The following SLC25A30 variants were observed in gnomAD, a reference collection of about 807,000 sequenced individuals.
The protein encoded by SLC25A30 is kidney mitochondrial carrier protein 1.
In SLC25A30, 29 loss-of-function variants were observed where a neutral mutation model predicts 42.7. That is an observed-to-expected ratio of 0.68 (90% confidence interval 0.51 to 0.93). SLC25A30 has a LOEUF of 0.93. SLC25A30 is among the 40% of genes least tolerant of loss of function. SLC25A30 has a pLI of 0.00. For synonymous variants in SLC25A30, 124 were observed against 131.0 expected, an observed-to-expected ratio of 0.95 and a Z score of 0.37; for missense variants, 300 against 359.7, an observed-to-expected ratio of 0.83 and a Z score of 1.34.
At chr13:45,424,773 T>TAAA in the SLC25A30 span, among the ~76,000 whole-genome samples, 1 of 60,164 alleles carries the variant, frequency 1.7e-5, no homozygotes, top group African/African-American at 6.0e-5. Context: ...TATAAATATA[T>TAAA]ATATATAAAT....
At chr13:45,425,358 G>T in the SLC25A30 span, among the ~76,000 whole-genome samples, 1 of 106,514 alleles carries the variant, frequency 9.4e-6, no homozygotes, top group Non-Finnish European at 1.7e-5. Flanking sequence ...CTATATGTAA[G>T]TATATGTATA....
chr13:45,424,017 CTGTAAAAATATATATTTA>C, the SLC25A30 span, among the ~76,000 whole-genome samples: 1 of 83,470 alleles, frequency 1.2e-5, no homozygotes, highest in Non-Finnish European at 2.1e-5. Context: ...ATATATAAAT[CTGTAAAAATATATATTTA>C]TATAAATATA....
the SLC25A30 span, among the ~76,000 whole-genome samples, chr13:45,430,323 G>GTCTCTATAGAGACATGATA: frequency 2.5e-4 from 38 of 152,110 alleles, 1 homozygote; most frequent in African/African-American, 8.4e-4. Context: ...TAAAGAGGAT[G>GTCTCTATAGAGACATGATA]TCTCTATAGA....
the SLC25A30 span, among the ~76,000 whole-genome samples, chr13:45,425,182 A>G: frequency 2.5e-4 from 25 of 98,542 alleles, no homozygotes; most frequent in African/African-American, 1.1e-3. Flanking sequence ...ATATAAATAT[A>G]TATACATATA....
the SLC25A30 span, among the ~76,000 whole-genome samples, chr13:45,425,225 TATAAATATTTATACATATATAA>T: frequency 9.6e-6 from 1 of 103,656 alleles, no homozygotes; most frequent in Non-Finnish European, 1.7e-5. Flanking sequence ...TACGTATGTA[TATAAATATTTATACATATATAA>T]ATATATATAC....
In SLC25A30 at chr13:45,393,647, C is replaced by G; in HGVS notation, c.*2327G>C. On this transcript the variant is annotated 3_prime_UTR_variant, in exon 10 of 10. Coordinates refer to ENST00000519676, the MANE Select transcript of SLC25A30 (RefSeq NM_001010875.4). ...GAGGTACTTATAGCCAGAACCCTGA[C>G]AACGAGGGGACCAAGTCTCCCAATT... 1 of 985,406 alleles carries G rather than the reference C, an allele frequency of 1.0e-6. No homozygotes were observed. The highest frequency in any genetic ancestry group is 1.2e-6 in the Non-Finnish European group (1 of 829,914). 61.0% of individuals were successfully genotyped at this position (985,406 alleles called of 1,614,324 possible). A position where few individuals can be genotyped will look rare whatever the true frequency, so the allele number is the denominator to read the frequency against.
chr13:45,398,003 C>T, intron 8 of SLC25A30: 4 of 985,390 alleles, frequency 4.1e-6, no homozygotes, highest in Non-Finnish European at 4.8e-6. Flanking sequence ...CAGAGTACCA[C>T]TATTTCCCAA....
At chr13:45,427,837 A>G in the SLC25A30 span, among the ~76,000 whole-genome samples, 3 of 151,324 alleles carry the variant, frequency 2.0e-5, no homozygotes, top group Admixed American at 2.0e-4. Flanking sequence ...TCCGCCTCAC[A>G]GGTTCAAGCG....
chr13:45,394,703 AAG>A lies in SLC25A30; in HGVS notation c.*1269_*1270del, dbSNP rs1287784434. On this transcript the variant is annotated 3_prime_UTR_variant, in exon 10 of 10. Coordinates refer to ENST00000519676, the MANE Select transcript of SLC25A30 (RefSeq NM_001010875.4). ...GAATAAGAAAATAGAAAAAGAAAAA[AAG>A]AAGAGGGAGAATGACTTATTGTGTC... 8.1e-6 allele frequency: 8 copies of A among 985,016 alleles called. No homozygotes were observed. Among genetic ancestry groups the A allele is most frequent in the African/African-American group, 1.7e-5 (1 of 57,234 alleles). The allele number at this position is 985,016 out of a possible 1,614,324, so 61.0% of individuals were successfully genotyped here. A position where few individuals can be genotyped will look rare whatever the true frequency, so the allele number is the denominator to read the frequency against.
At chr13:45,410,062 C>G (rs1052017955) in intron 2 of SLC25A30, among the ~76,000 whole-genome samples, 4 of 152,170 alleles carry the variant, frequency 2.6e-5, no homozygotes, top group Non-Finnish European at 4.4e-5. Context: ...ACAGCAGTGA[C>G]TGAGCCCTGG....
Position 45,401,083 on chromosome 13 carries a change from A to C in SLC25A30, c.614T>G (p.Leu205Arg). ...TTTTTAAAAAAAGCCATGAACATACAGGAAGTGGGTATACACAGTGTCTCC... is the reference window on the plus strand; with the variant it reads ...TTTTTAAAAAAAGCCATGAACATACCGGAAGTGGGTATACACAGTGTCTCC... ...LMGDTVYTHF[L>R]SSFTCGLAGA... The change falls in exon 7 of 10, where the codon CTC (leucine) becomes CGC (arginine). Residue 205 changes from leucine to arginine, a missense_variant and splice_region_variant. Coordinates refer to ENST00000519676, the MANE Select transcript of SLC25A30 (RefSeq NM_001010875.4). 1.3e-6 allele frequency: 2 copies of C among 1,599,170 alleles called. No individual in the cohort carries two copies. Among genetic ancestry groups the C allele is most frequent in the Non-Finnish European group, 1.7e-6 (2 of 1,172,636 alleles).
chr13:45,419,001 G>C (rs1159558125), upstream of SLC25A30, among the ~76,000 whole-genome samples: 3 of 124,888 alleles, frequency 2.4e-5, no homozygotes, highest in African/African-American at 9.2e-5. Flanking sequence ...CCTGGTGGCG[G>C]GTGCCTGTAA....
intron 1 of SLC25A30, among the ~76,000 whole-genome samples, chr13:45,412,707 A>G (rs1883141566): frequency 6.6e-6 from 1 of 152,138 alleles, no homozygotes. Flanking sequence ...GACACTCACA[A>G]ATATTGCCCT....
Position 45,393,656 on chromosome 13 carries a change from G to T in SLC25A30, c.*2318C>A. On this transcript the variant is annotated 3_prime_UTR_variant, in exon 10 of 10. Coordinates refer to ENST00000519676, the MANE Select transcript of SLC25A30 (RefSeq NM_001010875.4). ...ATAGCCAGAACCCTGACAACGAGGGGACCAAGTCTCCCAATTCCTTAAGTT... is the reference window on the plus strand; with the variant it reads ...ATAGCCAGAACCCTGACAACGAGGGTACCAAGTCTCCCAATTCCTTAAGTT... 5.1e-6 allele frequency: 5 copies of T among 985,392 alleles called. No homozygotes were observed. The highest frequency in any genetic ancestry group is 6.0e-6 in the Non-Finnish European group (5 of 829,916). The allele number at this position is 985,392 out of a possible 1,614,324, so 61.0% of individuals were successfully genotyped here. A position where few individuals can be genotyped will look rare whatever the true frequency, so the allele number is the denominator to read the frequency against.
chr13:45,403,936 CAAAA>C (rs34588071), intron 5 of SLC25A30, among the ~76,000 whole-genome samples: 3 of 80,760 alleles, frequency 3.7e-5, no homozygotes, highest in Admixed American at 1.5e-4. Context: ...GACTCCATCT[CAAAA>C]AAAAAAAAAA....
At position 45,399,018 on chromosome 13, in the gene SLC25A30, C is replaced by A; in HGVS notation, c.675G>T (p.Arg225Ser). 1.9e-6 allele frequency: 3 copies of A among 1,613,964 alleles called. No individual in the cohort carries two copies. Among genetic ancestry groups the A allele is most frequent in the Non-Finnish European group, 2.5e-6 (3 of 1,179,968 alleles). The change falls in exon 8 of 10, where the codon AGG (arginine) becomes AGT (serine). Residue 225 changes from arginine to serine, a missense_variant. Arg to Ser is a moderately radical substitution (Grantham distance 110). Transcript: ENST00000519676. Reference sequence around the variant, plus strand: ...GCACTCTCTGATTCATCATACGTGTCCTCACAACATCAACAGGGTTTGAGG... The same window carrying A: ...GCACTCTCTGATTCATCATACGTGTACTCACAACATCAACAGGGTTTGAGG... ...ALASNPVDVV[R>S]TRMMNQRVLR...
chr13:45,393,577 A>G lies in SLC25A30; in HGVS notation c.*2397T>C, dbSNP rs1373842886. ...AAACAAAAAAACCCATTGGTTATAAAAACTAGAATTCCTTTTGGCATATTT... is the reference window on the plus strand; with the variant it reads ...AAACAAAAAAACCCATTGGTTATAAGAACTAGAATTCCTTTTGGCATATTT... On this transcript the variant is annotated 3_prime_UTR_variant, in exon 10 of 10. Transcript: ENST00000519676. The G allele has an allele frequency of 1.0e-6, 1 of 985,340 alleles. No individual in the cohort carries two copies. The highest frequency in any genetic ancestry group is 1.2e-6 in the Non-Finnish European group (1 of 829,936). 61.0% of individuals were successfully genotyped at this position (985,340 alleles called of 1,614,324 possible).
chr13:45,408,804 G>A (rs908035633), intron 3 of SLC25A30, 123 bp downstream of exon 3: 3 of 750,950 alleles, frequency 4.0e-6, no homozygotes, highest in South Asian at 4.4e-5. Context: ...AATCTGTCAT[G>A]CTATTTGTTC....
rs776084943 is a variant in SLC25A30 at position 45,405,963 on chromosome 13, A to G, written c.227T>C (p.Met76Thr). 6.2e-7 allele frequency: 1 copy of G among 1,614,218 alleles called. No individual in the cohort carries two copies. Among genetic ancestry groups the G allele is most frequent in the Non-Finnish European group, 8.5e-7 (1 of 1,180,022 alleles). Residue 76 changes from methionine to threonine, a missense_variant, in exon 4 of 10, where the codon ATG becomes ACG. By Grantham distance (81) the Met-to-Thr change is moderately conservative (BLOSUM62 -1). Transcript: ENST00000519676. Reference protein sequence around the residue: ...KALYSGIAPAMLRQASYGTIK... With the variant: ...KALYSGIAPATLRQASYGTIK... Reference sequence around the variant, plus strand: ...GGTGCCATAGGATGCCTGGCGTAACATCGCGGGGGCAATCCTGTTAAACCA... The same window carrying G: ...GGTGCCATAGGATGCCTGGCGTAACGTCGCGGGGGCAATCCTGTTAAACCA...
Sources: allele counts gnomAD v4.1 joint callset (sites outside exome capture counted in the v4.1 genomes callset), GRCh38; gene constraint gnomAD v4.1.1; transcripts MANE v1.5; gene names NCBI Gene and HGNC (gene_info 2026-07-23, HGNC 2026-07-21).